Variants in BRCA2 observed in about 807,000 individuals in gnomAD.
BRCA2 encodes breast cancer type 2 susceptibility protein.
Under a neutral mutation model 276.7 loss-of-function variants are expected in BRCA2, and 203 were observed. That is an observed-to-expected ratio of 0.73 (90% CI 0.65 to 0.82). The LOEUF is 0.82. Among genes scored for constraint, BRCA2 ranks in the 40% least tolerant of loss-of-function variants. The pLI is 0.00. For missense variants in BRCA2, 3,920 were observed against 3,915.0 expected (o/e 1.00, Z -0.03); for synonymous variants, 1,289 against 1,338.4 (o/e 0.96, Z 0.81).
Position 32,341,138 on chromosome 13 carries a change from A to G in BRCA2, c.6783A>G (p.Glu2261=), listed in dbSNP as rs1057520591. Residue 2261 remains glutamate, a synonymous_variant, in exon 11 of 27, where the codon GAA becomes GAG. Coordinates refer to ENST00000380152, the MANE Select transcript of BRCA2 (RefSeq NM_000059.4). The part of the protein sequence containing the change: ...HSLFTCPENE[E]MVLSNSRIGK... ...TTTTTACATGTCCCGAAAATGAGGA[A>G]ATGGTTTTGTCAAATTCAAGAATTG... 3 of 1,613,832 alleles carry G rather than the reference A, an allele frequency of 1.9e-6. No individual in the cohort carries two copies. Among genetic ancestry groups the G allele is most frequent in the Non-Finnish European group, 1.7e-6 (2 of 1,179,920 alleles).
intron 7 of BRCA2, among the ~76,000 whole-genome samples, chr13:32,328,653 A>G (rs2072367290): frequency 6.6e-6 from 1 of 152,238 alleles, no homozygotes; most frequent in Non-Finnish European, 1.5e-5. Context: ...GTTAGGGTTT[A>G]GAAAATAAAA....
chr13:32,379,620 C>A, intron 22 of BRCA2, 105 bp downstream of exon 22: 1 of 1,515,052 alleles, frequency 6.6e-7, no homozygotes, highest in South Asian at 1.2e-5. Flanking sequence ...TAGTTTATAT[C>A]AGAGAAGCAA....
In BRCA2 at chr13:32,332,697, C is replaced by G. The variant is rs781079248; in HGVS notation, c.1219C>G (p.Gln407Glu). 3.1e-6 allele frequency: 5 copies of G among 1,613,762 alleles called. No individual in the cohort carries two copies. The highest frequency in any genetic ancestry group is 4.2e-6 in the Non-Finnish European group (5 of 1,179,888). Residue 407 changes from glutamine (Q) to glutamate (E), a missense_variant, in exon 10 of 27, where the codon CAG (glutamine) becomes GAG (glutamate). Gln to Glu is a conservative substitution (Grantham distance 29, BLOSUM62 2). Transcript: ENST00000380152. ...AACCCTTTCAGGTCTAAATGGAGCC[C>G]AGATGGAGAAAATACCCCTATTGCA... ...QLTLSGLNGA[Q>E]MEKIPLLHIS...
chr13:32,342,004 G>A (rs1289963744), intron 11 of BRCA2, among the ~76,000 whole-genome samples: 2 of 152,096 alleles, frequency 1.3e-5, no homozygotes, highest in Non-Finnish European at 2.9e-5. Context: ...TGGGCGTGGC[G>A]CTCATGCCTG....
chr13:32,392,302 T>C (rs765504021), intron 24 of BRCA2, among the ~76,000 whole-genome samples: 18 of 152,194 alleles, frequency 1.2e-4, no homozygotes, highest in Non-Finnish European at 2.5e-4. Flanking sequence ...GCTTAGTGCC[T>C]CTTCCAACTC....
At chr13:32,326,356 G>T in intron 6 of BRCA2, 74 bp downstream of exon 6, 1 of 1,536,614 alleles carries the variant, frequency 6.5e-7, no homozygotes, top group South Asian at 1.1e-5. Context: ...CCTTTGCCCT[G>T]AGATTTACAA....
chr13:32,388,121 C>CTTTTT (rs34184533), intron 24 of BRCA2, among the ~76,000 whole-genome samples: 2 of 141,508 alleles, frequency 1.4e-5, no homozygotes, highest in Non-Finnish European at 1.5e-5. Context: ...ATGACCTCAT[C>CTTTTT]TTTTTTTTTT....
rs1401654517 is a variant in BRCA2, at chr13:32,339,959, C to T, written c.5604C>T (p.Asp1868=). The change falls in exon 11 of 27, where the codon GAC becomes GAT. Residue 1868 remains aspartate, a synonymous_variant. Coordinates refer to ENST00000380152, the MANE Select transcript of BRCA2 (RefSeq NM_000059.4). ...AAAAAGTGAAAGACATATTTACAGA[C>T]AGTTTCAGTAAAGTAATTAAGGAAA... ...TIKKVKDIFT[D]SFSKVIKENN... is the part of the protein sequence containing the mutation. 1.9e-6 allele frequency: 3 copies of T among 1,609,392 alleles called. No individual in the cohort carries two copies. The highest frequency in any genetic ancestry group is 2.2e-5 in the South Asian group (2 of 89,950).
chr13:32,365,772 C>A (rs1168935825), intron 18 of BRCA2, among the ~76,000 whole-genome samples: 2 of 145,380 alleles, frequency 1.4e-5, no homozygotes, highest in African/African-American at 5.1e-5. Context: ...ATTCTTGGCC[C>A]AGATGCTTAC....
Position 32,337,983 on chromosome 13 carries a change from GATGAAA to G in BRCA2, c.3634_3639del (p.Asn1212_Glu1213del), listed in dbSNP as rs774186567. 3.7e-6 allele frequency: 6 copies of G among 1,613,568 alleles called. No individual in the cohort carries two copies. The highest frequency in any genetic ancestry group is 3.3e-5 in the South Asian group (3 of 91,052). On this transcript the variant is annotated inframe_deletion, in exon 11 of 27. Coordinates refer to ENST00000380152, the MANE Select transcript of BRCA2 (RefSeq NM_000059.4). The stretch of plus-strand genomic sequence containing the variant: ...CAAAAGTGCTTCTGGTTATTTAACA[GATGAAA>G]ATGAAGTGGGGTTTAGGGGCTTTTA...
Position 32,337,950 on chromosome 13 carries a change from G to A in BRCA2, c.3595G>A (p.Asp1199Asn), listed in dbSNP as rs1060502404. ...GAAGTTTGCTGGCCTGTTGAAAAAT[G>A]ACTGTAACAAAAGTGCTTCTGGTTA... ...KRKFAGLLKN[D>N]CNKSASGYLT... The change falls in exon 11 of 27, where the codon GAC becomes AAC. Residue 1199 changes from aspartate (D) to asparagine (N), a missense_variant. Physicochemically the swap from Asp to Asn is conservative, Grantham distance 23. Coordinates refer to ENST00000380152, the MANE Select transcript of BRCA2 (RefSeq NM_000059.4). 23 of 1,614,024 alleles carry A rather than the reference G, an allele frequency of 1.4e-5. No homozygotes were observed. The highest frequency in any genetic ancestry group is 1.9e-5 in the Non-Finnish European group (22 of 1,179,946).
chr13:32,323,761 A>G (rs972594772), intron 3 of BRCA2, among the ~76,000 whole-genome samples: 16 of 152,196 alleles, frequency 1.1e-4, no homozygotes, highest in African/African-American at 3.9e-4. Flanking sequence ...CGAAGCAACT[A>G]TTTTCTAAGA....
rs2072420088 is a variant in BRCA2, at chr13:32,333,181, C to T, written c.1703C>T (p.Thr568Ile). The T allele has an allele frequency of 6.2e-7, 1 of 1,613,976 alleles. No homozygotes were observed. The highest frequency in any genetic ancestry group is 8.5e-7 in the Non-Finnish European group (1 of 1,179,922). Reference protein sequence around the residue: ...IDNGSWPATTTQNSVALKNAG... With the variant: ...IDNGSWPATTIQNSVALKNAG... ...AATGGAAGCTGGCCAGCCACCACCA[C>T]ACAGAATTCTGTAGCTTTGAAGAAT... The change falls in exon 10 of 27, where the codon ACA becomes ATA. Residue 568 changes from threonine to isoleucine, a missense_variant. Around this residue, in one of 2 missense-constraint regions of BRCA2, gnomAD observed 3,263 missense variants for 3,156.9 expected, o/e 1.03. Transcript: ENST00000380152.
At position 32,340,753 on chromosome 13, in the gene BRCA2, CAAA is replaced by C. The variant is rs80359581; in HGVS notation, c.6399_6401del (p.Asn2135del). The C allele has an allele frequency of 2.4e-5, 38 of 1,604,754 alleles. No homozygotes were observed. The highest frequency in any genetic ancestry group is 3.2e-5 in the Non-Finnish European group (38 of 1,177,058). ...ACCTGCAGTAAAGAATTTAAATTAT[CAAA>C]TAACTTAAATGTTGAAGGTGGTTCT... On this transcript the variant is annotated inframe_deletion, in exon 11 of 27. Transcript: ENST00000380152.
At chr13:32,358,874 C>T (rs1273071398) in intron 16 of BRCA2, among the ~76,000 whole-genome samples, 1 of 151,904 alleles carries the variant, frequency 6.6e-6, no homozygotes, top group African/African-American at 2.4e-5. Flanking sequence ...GTGGAGGTTG[C>T]AGTGAGCCAA....
chr13:32,380,872 TCTTA>T (rs1302033250), intron 24 of BRCA2, among the ~76,000 whole-genome samples: 1 of 152,162 alleles, frequency 6.6e-6, no homozygotes, highest in Non-Finnish European at 1.5e-5. Context: ...GAATATATGG[TCTTA>T]CTAAGTTCAA....
intron 16 of BRCA2, among the ~76,000 whole-genome samples, chr13:32,359,051 ATC>A (rs1016806044): frequency 6.6e-6 from 1 of 151,900 alleles, no homozygotes; most frequent in Non-Finnish European, 1.5e-5. Context: ...GCAAAACCCC[ATC>A]TCTACTAAAA....
rs746035339 is a variant in BRCA2 at position 32,329,996 on chromosome 13, A to G, written c.681+504A>G. Among the ~76,000 whole-genome samples, 5 of 152,294 alleles carry G rather than the reference A, an allele frequency of 3.3e-5. No individual in the cohort carries two copies. The South Asian group carries it at 6.2e-4, about 19-fold the overall frequency. On this transcript the variant is annotated intron_variant, in intron 8 of 26. Coordinates refer to ENST00000380152, the MANE Select transcript of BRCA2 (RefSeq NM_000059.4). Reference sequence around the variant, plus strand: ...CAAAATATCTTATTGTTCTGTACTCATGTGGCAGCAGCTTCATCAGCAGAT... The same window carrying G: ...CAAAATATCTTATTGTTCTGTACTCGTGTGGCAGCAGCTTCATCAGCAGAT...
rs2072936972 is a variant in BRCA2, at chr13:32,383,253, G to A, written c.9256+3108G>A. 5.3e-5 allele frequency among the ~76,000 whole-genome samples: 8 copies of A among 152,232 alleles called. No homozygotes were observed. In the South Asian group the frequency reaches 1.5e-3, roughly 28 times the overall value. On this transcript the variant is annotated intron_variant, in intron 24 of 26. Coordinates refer to ENST00000380152, the MANE Select transcript of BRCA2 (RefSeq NM_000059.4). The stretch of plus-strand genomic sequence containing the variant: ...CGGGCGCCTGCAGTCTCAGCTACTC[G>A]GGAGGCAGAGGCAGGAGAATGGCGT...
Sources: gnomAD v4.1 joint callset for allele counts (sites outside exome capture counted in the v4.1 genomes callset) on GRCh38, gnomAD v4.1.1 for gene constraint, gnomAD v4.1.1 regional missense constraint, MANE v1.5 for transcripts, NCBI Gene and HGNC (gene_info 2026-07-23, HGNC 2026-07-21) for gene names.